The following ZRANB3 variants were observed in gnomAD, a reference collection of about 807,000 sequenced individuals.
ZRANB3 encodes the protein DNA annealing helicase and endonuclease ZRANB3.
ZRANB3 carries 125 observed loss-of-function variants against 133.8 expected under a neutral mutation model. The observed-to-expected ratio is 0.93, with a 90% CI of 0.81 to 1.08. The LOEUF is 1.08. Ranked by LOEUF, ZRANB3 falls within the 50% of genes least tolerant of loss-of-function variation. ZRANB3 has a pLI of 0.00. For missense variants in ZRANB3, 1,229 were observed against 1,275.5 expected, an observed-to-expected ratio of 0.96 and a Z score of 0.56; for synonymous variants, 387 against 432.7, an observed-to-expected ratio of 0.89 and a Z score of 1.31.
At chr2:135,448,825 C>T (rs1690142055) in intron 2 of ZRANB3, among the ~76,000 whole-genome samples, 1 of 152,178 alleles carries the variant, frequency 6.6e-6, no homozygotes, top group Non-Finnish European at 1.5e-5. Flanking sequence ...TAAACATGCA[C>T]ATGAATAATA....
intron 6 of ZRANB3, among the ~76,000 whole-genome samples, chr2:135,336,519 A>T (rs1684378262): frequency 6.6e-6 from 1 of 152,234 alleles, no homozygotes; most frequent in Non-Finnish European, 1.5e-5. Context: ...GAGTCTATGG[A>T]ACCATAGTGC....
chr2:135,440,768 T>C (rs1376652861), intron 2 of ZRANB3, among the ~76,000 whole-genome samples: 2 of 152,212 alleles, frequency 1.3e-5, no homozygotes, highest in Non-Finnish European at 1.5e-5. Flanking sequence ...CTTGCCAGAC[T>C]TCTAACCTAC....
At chr2:135,276,190 A>T (rs766463072) in intron 8 of ZRANB3, among the ~76,000 whole-genome samples, 4 of 152,116 alleles carry the variant, frequency 2.6e-5, no homozygotes, top group Non-Finnish European at 5.9e-5. Flanking sequence ...GGGAAGATTG[A>T]AAACAGTAAG....
At chr2:135,240,159 T>G (rs1285302256) in intron 12 of ZRANB3, among the ~76,000 whole-genome samples, 1 of 151,926 alleles carries the variant, frequency 6.6e-6, no homozygotes, top group Non-Finnish European at 1.5e-5. Flanking sequence ...CTAGGCAACA[T>G]AGCAAGATCC....
intron 3 of ZRANB3, among the ~76,000 whole-genome samples, chr2:135,366,307 T>G (rs929308094): frequency 2.9e-5 from 4 of 140,102 alleles, no homozygotes; most frequent in Non-Finnish European, 6.0e-5. Flanking sequence ...TTTGTGAAAG[T>G]TTTTTTTTTA....
intron 11 of ZRANB3, 76 bp from the exon 12 acceptor site, chr2:135,265,762 C>A (rs1680210419): frequency 7.0e-7 from 1 of 1,434,650 alleles, no homozygotes; most frequent in Non-Finnish European, 9.4e-7. Context: ...CTTGATTTTG[C>A]ATTTAAATCA....
rs943258569 is a variant in ZRANB3 at position 135,271,785 on chromosome 2, T to C, written c.1189A>G (p.Ile397Val). 4 of 1,612,394 alleles carry C rather than the reference T, an allele frequency of 2.5e-6. No homozygotes were observed. The highest frequency in any genetic ancestry group is 3.4e-5 in the Admixed American group (2 of 59,676). ...DPDTRVAILS[I>V]QAAGQGLTFT... Reference sequence around the variant, plus strand: ...TTTCTTACCTGGCCAGCAGCCTGAATGCTTAGGATAGCCACGCGAGTGTCA... The same window carrying C: ...TTTCTTACCTGGCCAGCAGCCTGAACGCTTAGGATAGCCACGCGAGTGTCA... The change falls in exon 10 of 21, where the codon ATT becomes GTT. Residue 397 changes from isoleucine to valine, a missense_variant. Physicochemically the swap from Ile to Val is conservative, Grantham distance 29. Coordinates refer to ENST00000264159, the MANE Select transcript of ZRANB3 (RefSeq NM_032143.4).
intron 17 of ZRANB3, 105 bp from the exon 18 acceptor site, chr2:135,209,083 A>T: frequency 9.4e-7 from 1 of 1,069,378 alleles, no homozygotes; most frequent in Non-Finnish European, 1.4e-6. Flanking sequence ...AAAAGCAAGC[A>T]CAATTCTATT....
chr2:135,393,980 C>T (rs1352599325), intron 2 of ZRANB3, among the ~76,000 whole-genome samples: 1 of 152,110 alleles, frequency 6.6e-6, no homozygotes, highest in African/African-American at 2.4e-5. Flanking sequence ...GCCTCAGCCT[C>T]TCGAGTAGCT....
At chr2:135,259,698 G>A (rs1490776984) in intron 12 of ZRANB3, among the ~76,000 whole-genome samples, 6 of 152,140 alleles carry the variant, frequency 3.9e-5, no homozygotes, top group African/African-American at 1.4e-4. Context: ...GATTACAGGC[G>A]TGAGCCACTG....
chr2:135,435,473 T>C (rs780443336), intron 2 of ZRANB3, among the ~76,000 whole-genome samples: 1 of 152,248 alleles, frequency 6.6e-6, no homozygotes, highest in Non-Finnish European at 1.5e-5. Flanking sequence ...TGTGTCTTTA[T>C]AGCAGAATGA....
intron 5 of ZRANB3, among the ~76,000 whole-genome samples, chr2:135,347,487 G>T (rs1684994319): frequency 6.6e-6 from 1 of 151,986 alleles, no homozygotes; most frequent in African/African-American, 2.4e-5. Context: ...GTAGAGACTG[G>T]GTTTCACCTT....
chr2:135,402,372 G>GC (rs1243554427), intron 2 of ZRANB3, among the ~76,000 whole-genome samples: 1 of 148,704 alleles, frequency 6.7e-6, no homozygotes, highest in Admixed American at 6.8e-5. Flanking sequence ...TTGGCTCACT[G>GC]CAACCTCCGG....
chr2:135,296,133 A>C (rs1682071023), intron 8 of ZRANB3, among the ~76,000 whole-genome samples: 1 of 152,136 alleles, frequency 6.6e-6, no homozygotes, highest in African/African-American at 2.4e-5. Context: ...CTGCCTTGCT[A>C]GATTGGGGAA....
intron 2 of ZRANB3, among the ~76,000 whole-genome samples, chr2:135,422,895 C>T (rs1488731387): frequency 2.0e-5 from 3 of 152,156 alleles, no homozygotes; most frequent in Admixed American, 6.5e-5. Context: ...AAAAGTACCA[C>T]AAAGTGGGTG....
At chr2:135,401,317 G>C (rs1164089020) in intron 2 of ZRANB3, among the ~76,000 whole-genome samples, 3 of 152,116 alleles carry the variant, frequency 2.0e-5, no homozygotes, top group East Asian at 3.8e-4. Context: ...ATACCTACTT[G>C]AGAGAGATTT....
chr2:135,379,526 T>G (rs188003828), intron 3 of ZRANB3, among the ~76,000 whole-genome samples: 1 of 152,216 alleles, frequency 6.6e-6, no homozygotes, highest in East Asian at 1.9e-4. Context: ...CTTGGGCAAT[T>G]TAATTAACCC....
intron 20 of ZRANB3, chr2:135,202,376 CA>C (rs1412859557): frequency 6.6e-6 from 1 of 152,350 alleles, no homozygotes; most frequent in East Asian, 1.9e-4. Flanking sequence ...ACTAACTACC[CA>C]AAGATGGGGC....
At chr2:135,517,823 C>A (rs1264747261) in intron 1 of ZRANB3, among the ~76,000 whole-genome samples, 2 of 152,214 alleles carry the variant, frequency 1.3e-5, no homozygotes, top group Non-Finnish European at 2.9e-5. Context: ...TCGGAGCCAA[C>A]AGGCAGGAAC....
Sources: allele counts gnomAD v4.1 joint callset (sites outside exome capture counted in the v4.1 genomes callset), GRCh38; gene constraint gnomAD v4.1.1; transcripts MANE v1.5; gene names NCBI Gene and HGNC (gene_info 2026-07-23, HGNC 2026-07-21).